The following TLR6 variants were observed in gnomAD, a reference collection of about 807,000 sequenced individuals.
TLR6 encodes the protein toll-like receptor 6.
A neutral mutation model predicts 16.1 loss-of-function variants in TLR6; 9 were observed. That is an observed-to-expected ratio of 0.56 (90% CI 0.34 to 0.98). The LOEUF is 0.98. TLR6 is among the 50% of genes least tolerant of loss of function. The pLI is 0.02. For synonymous variants in TLR6, 340 were observed against 338.6 expected, an observed-to-expected ratio of 1.00 and a Z score of -0.04; for missense variants, 786 against 921.0, an observed-to-expected ratio of 0.85 and a Z score of 1.90.
intron 1 of TLR6, among the ~76,000 whole-genome samples, chr4:38,833,555 C>T (rs1711742679): frequency 6.6e-6 from 1 of 152,176 alleles, no homozygotes; most frequent in South Asian, 2.1e-4. Flanking sequence ...AAAGTCTTTC[C>T]CTATCAAAGC....
chr4:38,843,598 A>G (rs1260059668), intron 1 of TLR6: 2 of 152,246 alleles, frequency 1.3e-5, no homozygotes, highest in African/African-American at 4.8e-5. Flanking sequence ...ATATATTGGA[A>G]ATAGTAAAAC....
intron 1 of TLR6, among the ~76,000 whole-genome samples, chr4:38,841,826 T>C (rs1346058642): frequency 6.6e-6 from 1 of 152,240 alleles, no homozygotes; most frequent in African/African-American, 2.4e-5. Flanking sequence ...TGTTTACGCA[T>C]GCAACTGTCC....
intron 1 of TLR6, among the ~76,000 whole-genome samples, chr4:38,848,734 G>A (rs1241024691): frequency 2.6e-5 from 4 of 152,192 alleles, no homozygotes; most frequent in Admixed American, 2.0e-4. Flanking sequence ...AGAGGAAAAA[G>A]AGTAAAAAGA....
At chr4:38,854,509 AAAGATTTTTTAAAAGGC>A (rs1169853561) in intron 1 of TLR6, among the ~76,000 whole-genome samples, 3 of 150,690 alleles carry the variant, frequency 2.0e-5, no homozygotes, top group Non-Finnish European at 4.5e-5. Flanking sequence ...TTGTTTCTTA[AAAGATTTTTTAAAAGGC>A]AAGATTTTTT....
chr4:38,823,072 G>A (rs368994732), downstream of TLR6, among the ~76,000 whole-genome samples: 2 of 152,208 alleles, frequency 1.3e-5, no homozygotes, highest in East Asian at 3.9e-4. Context: ...AGACCCATTC[G>A]CTAACAGGAG....
At chr4:38,841,824 C>T (rs1303129998) in intron 1 of TLR6, among the ~76,000 whole-genome samples, 1 of 152,132 alleles carries the variant, frequency 6.6e-6, no homozygotes, top group Non-Finnish European at 1.5e-5. Context: ...AGTGTTTACG[C>T]ATGCAACTGT....
chr4:38,850,625 T>C (rs940243000), intron 1 of TLR6, among the ~76,000 whole-genome samples: 1 of 151,954 alleles, frequency 6.6e-6, no homozygotes, highest in Non-Finnish European at 1.5e-5. Context: ...AACTAGAAAA[T>C]CTAGAAGAAG....
chr4:38,868,085 C>G, the TLR6 span: 4 of 420,142 alleles, frequency 9.5e-6, no homozygotes, highest in Non-Finnish European at 1.5e-5. Flanking sequence ...GTGTGTCGCT[C>G]CGGGTCCACG....
chr4:38,855,277 G>A (rs373935693), intron 1 of TLR6, among the ~76,000 whole-genome samples: 6 of 151,440 alleles, frequency 4.0e-5, no homozygotes, highest in African/African-American at 1.5e-4. Context: ...ATTAAAACCT[G>A]ACATATACGT....
At chr4:38,866,488 A>G in the TLR6 span, among the ~76,000 whole-genome samples, 2,448 of 151,916 alleles carry the variant, frequency 0.016, 32 homozygotes, top group Non-Finnish European at 0.025. Flanking sequence ...GCAAGACTCC[A>G]TCTCAAAAAA....
chr4:38,853,073 C>A (rs1354444774), intron 1 of TLR6, among the ~76,000 whole-genome samples: 1 of 150,972 alleles, frequency 6.6e-6, no homozygotes, highest in African/African-American at 2.5e-5. Flanking sequence ...GAGTTCATGT[C>A]CTTTGTAGGG....
At chr4:38,836,586 T>A (rs1415386343) in intron 1 of TLR6, among the ~76,000 whole-genome samples, 4 of 152,094 alleles carry the variant, frequency 2.6e-5, no homozygotes, top group Non-Finnish European at 5.9e-5. Context: ...TTCAAAAAAA[T>A]TAAAGATGAA....
intron 1 of TLR6, among the ~76,000 whole-genome samples, chr4:38,846,143 C>T (rs1395492131): frequency 1.3e-5 from 2 of 150,762 alleles, no homozygotes; most frequent in Non-Finnish European, 3.0e-5. Flanking sequence ...CTGGTTTGAT[C>T]CAGCATCCCA....
the TLR6 span, among the ~76,000 whole-genome samples, chr4:38,861,951 C>T: frequency 1.3e-5 from 2 of 152,198 alleles, no homozygotes; most frequent in Non-Finnish European, 1.5e-5. Flanking sequence ...GAACTCCAGA[C>T]TCTCACATTC....
Position 38,842,602 on chromosome 4 carries a change from G to A in TLR6, c.-64-13065C>T, listed in dbSNP as rs1241121234. On this transcript the variant is annotated intron_variant, in intron 1 of 1. Coordinates refer to ENST00000436693, the Ensembl canonical transcript of TLR6. ...GTCTACTCTCCTTAGGCTCTGATCC[G>A]CACAGAAAAGCATCTGTGAGCCCCC... Among the ~76,000 whole-genome samples, 5 of 152,116 alleles carry A rather than the reference G, an allele frequency of 3.3e-5. No individual in the cohort carries two copies. The East Asian group carries it at 7.7e-4, about 23-fold the overall frequency.
At chr4:38,830,530 C>T (rs1229075237) in intron 1 of TLR6, among the ~76,000 whole-genome samples, 1 of 152,114 alleles carries the variant, frequency 6.6e-6, no homozygotes, top group Non-Finnish European at 1.5e-5. Flanking sequence ...GCCTGCGCAA[C>T]ATAGTGAAAC....
chr4:38,867,126 C>T, the TLR6 span, among the ~76,000 whole-genome samples: 1 of 152,206 alleles, frequency 6.6e-6, no homozygotes, highest in Admixed American at 6.5e-5. Flanking sequence ...TTTTTAAGGG[C>T]TACAACATAT....
intron 1 of TLR6, among the ~76,000 whole-genome samples, chr4:38,848,700 G>A (rs1712641862): frequency 2.0e-5 from 3 of 152,210 alleles, no homozygotes; most frequent in African/African-American, 2.4e-5. Flanking sequence ...TCAAATGAAT[G>A]AAATGAAGTG....
intron 1 of TLR6, among the ~76,000 whole-genome samples, chr4:38,834,738 T>C (rs1441226822): frequency 6.6e-6 from 1 of 152,176 alleles, no homozygotes; most frequent in Non-Finnish European, 1.5e-5. Context: ...TGGGATAATA[T>C]ACTCAAAGTG....
Sources: gnomAD v4.1 joint callset for allele counts (sites outside exome capture counted in the v4.1 genomes callset) on GRCh38, gnomAD v4.1.1 for gene constraint, MANE v1.5 for transcripts, NCBI Gene and HGNC (gene_info 2026-07-23, HGNC 2026-07-21) for gene names.